The following ZFP1 variants were observed in gnomAD, a reference collection of about 807,000 sequenced individuals.
ZFP1 encodes the protein ZFP1 zinc finger protein.
A neutral mutation model predicts 38.5 loss-of-function variants in ZFP1; 32 were observed. The observed-to-expected ratio is 0.83, with a 90% CI of 0.63 to 1.12. The LOEUF is 1.12. Among genes scored for constraint, ZFP1 ranks in the 50% most tolerant of loss-of-function variants. ZFP1 has a pLI of 0.00. For missense variants in ZFP1, 616 were observed against 480.8 expected (o/e 1.28, Z -2.63); for synonymous variants, 245 against 168.8 (o/e 1.45, Z -3.50).
At chr16:75,120,112 A>G in the ZFP1 span, among the ~76,000 whole-genome samples, 2 of 152,314 alleles carry the variant, frequency 1.3e-5, no homozygotes, top group South Asian at 4.1e-4. Flanking sequence ...CTTAATTAAA[A>G]GCTAACATCG....
chr16:75,120,883 C>T, the ZFP1 span, among the ~76,000 whole-genome samples: 1 of 152,024 alleles, frequency 6.6e-6, no homozygotes, highest in African/African-American at 2.4e-5. Context: ...CCTCAGCCTC[C>T]CAAAGTGCTG....
the ZFP1 span, among the ~76,000 whole-genome samples, chr16:75,138,263 T>A: frequency 6.6e-6 from 1 of 151,786 alleles, no homozygotes; most frequent in Admixed American, 6.6e-5. Context: ...TCTCTGTCTC[T>A]TGAGCTTATG....
chr16:75,154,174 A>C (rs1350542566), intron 2 of ZFP1, among the ~76,000 whole-genome samples: 1 of 152,066 alleles, frequency 6.6e-6, no homozygotes, highest in Non-Finnish European at 1.5e-5. Flanking sequence ...CAGTGAGCTG[A>C]GATCGCGCCA....
At chr16:75,132,974 A>AT in the ZFP1 span, among the ~76,000 whole-genome samples, 2 of 140,912 alleles carry the variant, frequency 1.4e-5, no homozygotes, top group Admixed American at 1.4e-4. Context: ...TCATTTTAAG[A>AT]TTTTTTAACT....
chr16:75,138,860 A>G, the ZFP1 span, among the ~76,000 whole-genome samples: 2 of 152,184 alleles, frequency 1.3e-5, no homozygotes, highest in East Asian at 1.9e-4. Context: ...AAATAAATGC[A>G]TGGTGTTTTC....
the ZFP1 span, among the ~76,000 whole-genome samples, chr16:75,126,780 A>G: frequency 9.8e-5 from 15 of 152,344 alleles, no homozygotes; most frequent in Non-Finnish European, 1.6e-4. Flanking sequence ...ATATTTGACA[A>G]ACTTTCCAAG....
chr16:75,149,326 A>G (rs972129977), intron 1 of ZFP1: 5 of 152,114 alleles, frequency 3.3e-5, no homozygotes, highest in Admixed American at 6.5e-5. Flanking sequence ...AGATTTTGCC[A>G]TGTATACGTT....
chr16:75,124,041 C>T, the ZFP1 span, among the ~76,000 whole-genome samples: 3 of 151,562 alleles, frequency 2.0e-5, no homozygotes, highest in East Asian at 2.0e-4. Context: ...TTGCAGTAAG[C>T]CAAGATTGCG....
At chr16:75,153,733 C>G (rs971846779) in intron 2 of ZFP1, among the ~76,000 whole-genome samples, 1 of 152,122 alleles carries the variant, frequency 6.6e-6, no homozygotes, top group Non-Finnish European at 1.5e-5. Context: ...GTAGGGATCA[C>G]TCTCTGTGTA....
intron 1 of ZFP1, chr16:75,149,112 C>A (rs945491283): frequency 6.6e-6 from 1 of 152,058 alleles, no homozygotes; most frequent in Non-Finnish European, 1.5e-5. Flanking sequence ...GAACCGTGAT[C>A]CCTTTGTCAG....
chr16:75,154,291 T>G lies in ZFP1; in HGVS notation c.15+1325T>G, dbSNP rs11149802. Among the ~76,000 whole-genome samples, 12 of 152,162 alleles carry G rather than the reference T, an allele frequency of 7.9e-5. 1 individual carries two copies. The highest frequency in any genetic ancestry group is 2.9e-4 in the African/African-American group (12 of 41,492). On this transcript the variant is annotated intron_variant, in intron 2 of 3. Coordinates refer to ENST00000570010, the MANE Select transcript of ZFP1 (RefSeq NM_153688.4). Reference sequence around the variant, plus strand: ...TTGATAACTCATTTCTTCTTAGTACTGAATATGTCATGATGTGATGTACCA... The same window carrying G: ...TTGATAACTCATTTCTTCTTAGTACGGAATATGTCATGATGTGATGTACCA...
rs932893882 is a variant in ZFP1 at position 75,170,471 on chromosome 16, G to A, written c.*137G>A. On this transcript the variant is annotated 3_prime_UTR_variant, in exon 4 of 4. Coordinates refer to ENST00000570010, the MANE Select transcript of ZFP1 (RefSeq NM_153688.4). ...TCAACTCAAAAATGTATTAAAAATA[G>A]GATCCCATGAGAACATTATACTGGA... The A allele has an allele frequency of 1.6e-6, 2 of 1,278,238 alleles. No individual in the cohort carries two copies. Among genetic ancestry groups the A allele is most frequent in the Admixed American group, 3.1e-5 (1 of 32,048 alleles). The allele number at this position is 1,278,238 out of a possible 1,614,324, so 79.2% of individuals were successfully genotyped here. A position where few individuals can be genotyped will look rare whatever the true frequency, so the allele number is the denominator to read the frequency against.
At chr16:75,169,165 T>TGATA (rs1278499377) in intron 3 of ZFP1, 88 bp from the exon 4 acceptor site, 4 of 1,462,142 alleles carry the variant, frequency 2.7e-6, no homozygotes, top group Non-Finnish European at 3.6e-6. Context: ...GTCAGCCCTG[T>TGATA]GATAGAACAC....
chr16:75,129,461 C>T, the ZFP1 span, among the ~76,000 whole-genome samples: 1 of 152,184 alleles, frequency 6.6e-6, no homozygotes, highest in African/African-American at 2.4e-5. Context: ...TAGGGCAAAC[C>T]TGCCTCCCAT....
At chr16:75,131,906 A>G in the ZFP1 span, among the ~76,000 whole-genome samples, 1 of 151,870 alleles carries the variant, frequency 6.6e-6, no homozygotes, top group East Asian at 1.9e-4. Context: ...TGGAGGTTAC[A>G]GTGAGCCAAG....
At chr16:75,146,052 T>A (rs984305444), upstream of ZFP1, among the ~76,000 whole-genome samples, 26 of 152,242 alleles carry the variant, frequency 1.7e-4, no homozygotes, top group Middle Eastern at 3.4e-3. Flanking sequence ...CCATAAGGGG[T>A]TTTAGCACAG....
rs116931999 is a variant in ZFP1, at chr16:75,153,723, G to A, written c.15+757G>A. ...GATACTTTAAAGACCATAGTTTACA[G>A]TAGGGATCACTCTCTGTGTACATTC... is the stretch of plus-strand genomic sequence containing the variant. On this transcript the variant is annotated intron_variant, in intron 2 of 3. Transcript: ENST00000570010. Among the ~76,000 whole-genome samples the A allele has an allele frequency of 3.7e-3, 570 of 152,216 alleles. 11 individuals carry two copies. In the East Asian group the frequency reaches 0.048, roughly 13 times the overall value.
At chr16:75,122,603 A>G in the ZFP1 span, among the ~76,000 whole-genome samples, 1 of 152,242 alleles carries the variant, frequency 6.6e-6, no homozygotes, top group Admixed American at 6.5e-5. Flanking sequence ...TATTTAACAA[A>G]TCTTTAATAA....
intron 2 of ZFP1, among the ~76,000 whole-genome samples, chr16:75,160,426 T>C: frequency 6.6e-6 from 1 of 151,682 alleles, no homozygotes; most frequent in Non-Finnish European, 1.5e-5. Context: ...CTAAACCCCA[T>C]CTATACTAAA....
Sources: allele counts gnomAD v4.1 joint callset (sites outside exome capture counted in the v4.1 genomes callset), GRCh38; gene constraint gnomAD v4.1.1; transcripts MANE v1.5; gene names NCBI Gene and HGNC (gene_info 2026-07-23, HGNC 2026-07-21).